RORB: variants seen among roughly 807,000 people sequenced by gnomAD.
The protein encoded by RORB is RAR related orphan receptor B, also known as nuclear receptor ROR-beta.
In RORB, 6 loss-of-function variants were observed where a neutral mutation model predicts 59.1. The ratio of observed to expected loss-of-function variants is 0.10; its 90% confidence interval spans 0.06 to 0.20. The LOEUF (loss-of-function observed/expected upper bound fraction) is 0.20, where lower values mean the gene tolerates loss of function less well. RORB is among the 10% of genes least tolerant of loss of function. The pLI is 1.00. For synonymous variants in RORB, 215 were observed against 204.5 expected (o/e 1.05, Z -0.44); for missense variants, 320 against 560.5 (o/e 0.57, Z 4.33).
intron 1 of RORB, among the ~76,000 whole-genome samples, chr9:74,580,737 A>T (rs1200314270): frequency 1.3e-5 from 2 of 152,202 alleles, no homozygotes; most frequent in African/African-American, 4.8e-5. Flanking sequence ...CAAACAGGTG[A>T]TAAGAAAACT....
At chr9:74,633,350 T>C (rs753862589) in intron 2 of RORB, among the ~76,000 whole-genome samples, 1 of 152,180 alleles carries the variant, frequency 6.6e-6, no homozygotes. Flanking sequence ...CAGAAGCTGT[T>C]TGAGGGAAGT....
intron 1 of RORB, among the ~76,000 whole-genome samples, chr9:74,518,797 A>G (rs1826046705): frequency 6.6e-6 from 1 of 151,960 alleles, no homozygotes; most frequent in Non-Finnish European, 1.5e-5. Flanking sequence ...CTGGGATGCT[A>G]CCTTAGAACC....
At chr9:74,568,467 C>T (rs1286663240) in intron 1 of RORB, among the ~76,000 whole-genome samples, 5 of 151,622 alleles carry the variant, frequency 3.3e-5, no homozygotes, top group Admixed American at 6.6e-5. Flanking sequence ...TTTGGGAGGC[C>T]GAGGTGGGTG....
chr9:74,562,463 T>C (rs901205585), intron 1 of RORB, among the ~76,000 whole-genome samples: 1 of 152,196 alleles, frequency 6.6e-6, no homozygotes, highest in African/African-American at 2.4e-5. Context: ...TTTCATTTGT[T>C]TGGGAATCTC....
chr9:74,532,770 ATGTGTATG>A (rs1480650001), intron 1 of RORB, among the ~76,000 whole-genome samples: 1 of 148,788 alleles, frequency 6.7e-6, no homozygotes, highest in East Asian at 2.0e-4. Context: ...ACACACGTGT[ATGTGTATG>A]TGTGTATATA....
At chr9:74,619,699 C>A (rs1188227674) in intron 1 of RORB, among the ~76,000 whole-genome samples, 1 of 152,156 alleles carries the variant, frequency 6.6e-6, no homozygotes, top group Non-Finnish European at 1.5e-5. Context: ...ATCTGCCCAC[C>A]TCAGCCTCCC....
chr9:74,530,847 G>A (rs770751210), intron 1 of RORB, among the ~76,000 whole-genome samples: 5 of 151,830 alleles, frequency 3.3e-5, no homozygotes, highest in Admixed American at 6.6e-5. Flanking sequence ...TACATTAGGT[G>A]TATCTCCTAA....
intron 4 of RORB, among the ~76,000 whole-genome samples, chr9:74,648,601 G>C (rs1285175895): frequency 6.6e-6 from 1 of 152,176 alleles, no homozygotes; most frequent in African/African-American, 2.4e-5. Flanking sequence ...CTCCTGGAGA[G>C]CAGGACGATA....
chr9:74,679,559 T>C (rs2118568327), intron 9 of RORB, among the ~76,000 whole-genome samples: 1 of 152,184 alleles, frequency 6.6e-6, no homozygotes, highest in East Asian at 1.9e-4. Flanking sequence ...AGTTTTCTGC[T>C]TGAACCTGCA....
intron 9 of RORB, 25 bp downstream of exon 9, chr9:74,671,926 C>G (rs752076940): frequency 1.5e-6 from 2 of 1,348,812 alleles, no homozygotes; most frequent in Admixed American, 3.6e-5. Flanking sequence ...CACAGAGCCA[C>G]CACCACCAAA....
At chr9:74,511,423 C>G (rs966609663) in intron 1 of RORB, among the ~76,000 whole-genome samples, 1 of 152,012 alleles carries the variant, frequency 6.6e-6, no homozygotes, top group East Asian at 1.9e-4. Flanking sequence ...ATCTTAGAAA[C>G]TATTTTCTTC....
chr9:74,532,603 G>T (rs1826258836), intron 1 of RORB, among the ~76,000 whole-genome samples: 1 of 151,474 alleles, frequency 6.6e-6, no homozygotes, highest in African/African-American at 2.4e-5. Flanking sequence ...CAGTGTGGTA[G>T]CATATTCCAT....
rs180719395 is a variant in RORB, at chr9:74,545,441, C to G, written c.7+47458C>G. 4.6e-5 allele frequency among the ~76,000 whole-genome samples: 7 copies of G among 152,290 alleles called. No homozygotes were observed. In the South Asian group the frequency reaches 1.2e-3, roughly 27 times the overall value. Reference sequence around the variant, plus strand: ...AGTCATTTATAGTAAATATATCTAACATTATCATTGCTAACTCATTCTCTG... The same window carrying G: ...AGTCATTTATAGTAAATATATCTAAGATTATCATTGCTAACTCATTCTCTG... On this transcript the variant is annotated intron_variant, in intron 1 of 9. Transcript: ENST00000376896.
rs1293367666 is a variant in RORB, at chr9:74,665,434, T to C, written c.893-54T>C. 5 of 1,073,472 alleles carry C rather than the reference T, an allele frequency of 4.7e-6. No homozygotes were observed. The African/African-American group carries it at 4.8e-5, about 10-fold the overall frequency. 66.5% of individuals were successfully genotyped at this position (1,073,472 alleles called of 1,614,324 possible). Reference sequence around the variant, plus strand: ...ATATGCAGTAATAATTTCTTTATTATTGGATATATATGTGTATTTTTATTT... The same window carrying C: ...ATATGCAGTAATAATTTCTTTATTACTGGATATATATGTGTATTTTTATTT... On this transcript the variant is annotated intron_variant, in intron 6 of 9. Coordinates refer to ENST00000376896, the MANE Select transcript of RORB (RefSeq NM_006914.4).
chr9:74,673,813 A>T (rs1225300792), intron 9 of RORB, among the ~76,000 whole-genome samples: 1 of 152,266 alleles, frequency 6.6e-6, no homozygotes, highest in Non-Finnish European at 1.5e-5. Flanking sequence ...AAAATTGGCT[A>T]GAACCAGGTG....
intron 1 of RORB, among the ~76,000 whole-genome samples, chr9:74,543,920 G>A (rs1467063078): frequency 6.6e-6 from 1 of 152,202 alleles, no homozygotes; most frequent in Non-Finnish European, 1.5e-5. Context: ...AAACTAGGCT[G>A]TGATGTGGAT....
At chr9:74,651,270 C>A (rs1414862608) in intron 4 of RORB, among the ~76,000 whole-genome samples, 1 of 152,196 alleles carries the variant, frequency 6.6e-6, no homozygotes, top group African/African-American at 2.4e-5. Context: ...CGCAGTGGCT[C>A]ACACCTGTAA....
At chr9:74,573,648 C>T (rs911763722) in intron 1 of RORB, among the ~76,000 whole-genome samples, 7 of 152,030 alleles carry the variant, frequency 4.6e-5, no homozygotes, top group Non-Finnish European at 8.8e-5. Flanking sequence ...AGAAATCTCC[C>T]GGCTACTGTC....
At chr9:74,647,979 C>T (rs1459434339) in intron 4 of RORB, among the ~76,000 whole-genome samples, 1 of 152,108 alleles carries the variant, frequency 6.6e-6, no homozygotes, top group East Asian at 1.9e-4. Flanking sequence ...TCTAACTACC[C>T]ATGCAGAAAT....
Sources: allele counts gnomAD v4.1 joint callset (sites outside exome capture counted in the v4.1 genomes callset), GRCh38; gene constraint gnomAD v4.1.1; transcripts MANE v1.5; gene names NCBI Gene and HGNC (gene_info 2026-07-23, HGNC 2026-07-21).